Variants in SCAND3 observed in about 807,000 individuals in gnomAD.
SCAND3 encodes the protein SCAN domain containing 3.
At chr6:28,591,777 AG>A in the SCAND3 span, 1 of 152,164 alleles carries the variant, frequency 6.6e-6, no homozygotes, top group Admixed American at 6.5e-5. Flanking sequence ...TTTCTTTGAC[AG>A]TTTCATCAAA....
chr6:28,577,480 C>T, the SCAND3 span, among the ~76,000 whole-genome samples: 31 of 152,162 alleles, frequency 2.0e-4, 1 homozygote, highest in Admixed American at 2.6e-4. Context: ...AGGGAAATTC[C>T]AGGCATCTAA....
the SCAND3 span, among the ~76,000 whole-genome samples, chr6:28,605,918 G>A: frequency 6.6e-6 from 1 of 152,082 alleles, no homozygotes; most frequent in Admixed American, 6.6e-5. Context: ...AAAAAATAAA[G>A]ACTATGCAAA....
chr6:28,574,592 C>A, the SCAND3 span: 2 of 1,475,558 alleles, frequency 1.4e-6, no homozygotes, highest in South Asian at 1.2e-5. Flanking sequence ...TCACAGTACA[C>A]TGTAATGAGA....
chr6:28,576,235 G>A, the SCAND3 span: 1 of 868,936 alleles, frequency 1.2e-6, no homozygotes. Context: ...TAGAAGTAGG[G>A]AATATGGACA....
chr6:28,586,641 T>G, the SCAND3 span: 3 of 1,614,154 alleles, frequency 1.9e-6, no homozygotes, highest in Non-Finnish European at 2.5e-6. The surrounding 1 kb of genome is among the most constrained non-coding windows in gnomAD (Gnocchi z 4.4). Context: ...TTCTTTAACC[T>G]TTACTTTGAT....
At chr6:28,580,661 G>A in the SCAND3 span, among the ~76,000 whole-genome samples, 1 of 152,240 alleles carries the variant, frequency 6.6e-6, no homozygotes, top group South Asian at 2.1e-4. Flanking sequence ...GTGAAAGAGG[G>A]CCACCTGCTG....
the SCAND3 span, among the ~76,000 whole-genome samples, chr6:28,597,304 C>G: frequency 1.2e-4 from 19 of 152,144 alleles, no homozygotes; most frequent in Non-Finnish European, 2.8e-4. Flanking sequence ...CACTCAGACC[C>G]ATCCTTTCAG....
At chr6:28,583,066 G>T in the SCAND3 span, among the ~76,000 whole-genome samples, 4 of 151,974 alleles carry the variant, frequency 2.6e-5, no homozygotes, top group Admixed American at 1.3e-4. Flanking sequence ...GTGAGGAAAG[G>T]GGGGGCAAGG....
chr6:28,593,781 C>G, the SCAND3 span: 1 of 152,184 alleles, frequency 6.6e-6, no homozygotes, highest in South Asian at 2.1e-4. Flanking sequence ...TTACGGCTCA[C>G]TCAGCCTCAA....
chr6:28,598,444 C>T, the SCAND3 span, among the ~76,000 whole-genome samples: 1 of 152,116 alleles, frequency 6.6e-6, no homozygotes, highest in African/African-American at 2.4e-5. Context: ...ACTGTCTTCT[C>T]TCCCCATCAT....
chr6:28,616,193 C>T, the SCAND3 span: 1 of 152,300 alleles, frequency 6.6e-6, no homozygotes, highest in Non-Finnish European at 1.5e-5. This position sits in a 1 kb window ranked among gnomAD's most constrained non-coding sequence, Gnocchi z 4.3. Flanking sequence ...TCGTCCTCAT[C>T]CGGGACTGCG....
chr6:28,593,010 A>ATT, the SCAND3 span, among the ~76,000 whole-genome samples: 13,240 of 145,568 alleles, frequency 0.091, 727 homozygotes, highest in African/African-American at 0.13. Flanking sequence ...CTGGGCAATG[A>ATT]TTTTTTTTTT....
the SCAND3 span, chr6:28,575,729 T>C: frequency 6.2e-7 from 1 of 1,614,142 alleles, no homozygotes; most frequent in Non-Finnish European, 8.5e-7. The surrounding 1 kb of genome is among the most constrained non-coding windows in gnomAD (Gnocchi z 4.2). Context: ...TCTTTCTCCA[T>C]GCGAGTACGT....
chr6:28,579,415 G>A, the SCAND3 span: 1 of 1,611,924 alleles, frequency 6.2e-7, no homozygotes. The surrounding 1 kb of genome is among the most constrained non-coding windows in gnomAD (Gnocchi z 4.5). Flanking sequence ...TGTGCCCTGT[G>A]AGACCTGTGG....
the SCAND3 span, among the ~76,000 whole-genome samples, chr6:28,582,449 C>G: frequency 2.6e-5 from 4 of 152,062 alleles, no homozygotes; most frequent in Non-Finnish European, 5.9e-5. This position sits in a 1 kb window ranked among gnomAD's most constrained non-coding sequence, Gnocchi z 4.8. Flanking sequence ...GGTGTGCTGA[C>G]TAGACGTGAG....
At chr6:28,582,814 T>G in the SCAND3 span, among the ~76,000 whole-genome samples, 1 of 151,414 alleles carries the variant, frequency 6.6e-6, no homozygotes, top group Non-Finnish European at 1.5e-5. This position sits in a 1 kb window ranked among gnomAD's most constrained non-coding sequence, Gnocchi z 4.8. Flanking sequence ...CCCAGCTACT[T>G]AGGAGGCTGA....
the SCAND3 span, among the ~76,000 whole-genome samples, chr6:28,593,930 A>G: frequency 6.6e-6 from 1 of 152,048 alleles, no homozygotes; most frequent in Non-Finnish European, 1.5e-5. Flanking sequence ...GCTCTCAAAC[A>G]CTTGGGTTCG....
the SCAND3 span, chr6:28,589,662 A>G: frequency 6.6e-6 from 1 of 152,256 alleles, no homozygotes; most frequent in East Asian, 1.9e-4. Flanking sequence ...TTGGAGACAA[A>G]GAGAAAGATG....
the SCAND3 span, among the ~76,000 whole-genome samples, chr6:28,610,333 C>T: frequency 6.6e-6 from 1 of 151,922 alleles, no homozygotes; most frequent in Non-Finnish European, 1.5e-5. Flanking sequence ...ACCAGCCTGG[C>T]CAACATGATG....
Sources: gnomAD v4.1 joint callset for allele counts (sites outside exome capture counted in the v4.1 genomes callset) on GRCh38, gnomAD v4.1.1 for gene constraint, Gnocchi (gnomAD v3.1) non-coding constraint, MANE v1.5 for transcripts, NCBI Gene and HGNC (gene_info 2026-07-23, HGNC 2026-07-21) for gene names.